Variants in CDH13 observed in about 807,000 individuals in gnomAD.
The protein encoded by CDH13 is cadherin-13.
A neutral mutation model predicts 63.8 loss-of-function variants in CDH13; 24 were observed. The observed-to-expected ratio is 0.38, with a 90% CI of 0.27 to 0.53. The LOEUF (loss-of-function observed/expected upper bound fraction) is 0.53, where lower values mean the gene tolerates loss of function less well. CDH13 is among the 20% of genes least tolerant of loss of function. CDH13 has a pLI of 0.85. For missense variants in CDH13, 1,049 were observed against 903.1 expected, an observed-to-expected ratio of 1.16 and a Z score of -2.07; for synonymous variants, 503 against 355.3, an observed-to-expected ratio of 1.42 and a Z score of -4.67.
At chr16:83,455,435 C>T (rs927680065) in intron 6 of CDH13, among the ~76,000 whole-genome samples, 2 of 152,124 alleles carry the variant, frequency 1.3e-5, no homozygotes, top group Admixed American at 6.5e-5. Context: ...GCTGCCGTGT[C>T]TCTGTTTGGT....
chr16:83,050,961 G>A lies in CDH13; in HGVS notation c.366+18743G>A, dbSNP rs556345321. The stretch of plus-strand genomic sequence containing the variant: ...CTTATCCTTTCTCTCTCTCCCATGT[G>A]GTTTCTACCTGCAAACTCTTCATTA... On this transcript the variant is annotated intron_variant, in intron 3 of 13. Coordinates refer to ENST00000567109, the MANE Select transcript of CDH13 (RefSeq NM_001257.5). Among the ~76,000 whole-genome samples, 18 of 152,196 alleles carry A rather than the reference G, an allele frequency of 1.2e-4. No homozygotes were observed. The South Asian group carries it at 3.7e-3, about 32-fold the overall frequency.
chr16:83,726,744 A>G (rs1196687626), intron 10 of CDH13, among the ~76,000 whole-genome samples: 1 of 152,040 alleles, frequency 6.6e-6, no homozygotes, highest in Admixed American at 6.6e-5. Context: ...AGGCTGAGGC[A>G]GGGGAATGGC....
intron 10 of CDH13, among the ~76,000 whole-genome samples, chr16:83,731,207 A>G (rs1381919079): frequency 6.6e-6 from 1 of 152,228 alleles, no homozygotes; most frequent in African/African-American, 2.4e-5. Context: ...GTCAAATGGT[A>G]GTTCTGTTCT....
chr16:82,959,401 A>T (rs1266438990), intron 2 of CDH13, among the ~76,000 whole-genome samples: 1 of 152,068 alleles, frequency 6.6e-6, no homozygotes, highest in Non-Finnish European at 1.5e-5. Context: ...TTTATGACAA[A>T]ATTTGTGGCT....
At chr16:83,532,158 A>G (rs2075096840) in intron 7 of CDH13, among the ~76,000 whole-genome samples, 1 of 152,110 alleles carries the variant, frequency 6.6e-6, no homozygotes, top group African/African-American at 2.4e-5. Flanking sequence ...CATGATTGTG[A>G]AGCCTCCTCA....
chr16:82,749,009 T>C (rs2034299332), intron 1 of CDH13, among the ~76,000 whole-genome samples: 1 of 152,108 alleles, frequency 6.6e-6, no homozygotes. Context: ...GGAAATTAAT[T>C]TGAATGTTGC....
intron 4 of CDH13, among the ~76,000 whole-genome samples, chr16:83,176,038 C>T (rs188725882): frequency 1.4e-4 from 21 of 149,580 alleles, no homozygotes; most frequent in Non-Finnish European, 2.4e-4. Context: ...TCAGTAGAGA[C>T]GGGGTTTCTC....
intron 7 of CDH13, among the ~76,000 whole-genome samples, chr16:83,515,967 C>G (rs1317325613): frequency 6.6e-6 from 1 of 151,962 alleles, no homozygotes; most frequent in African/African-American, 2.4e-5. Flanking sequence ...TCTTGTTATC[C>G]ATGTTCTTTG....
At chr16:83,581,130 T>C (rs1318286455) in intron 7 of CDH13, among the ~76,000 whole-genome samples, 1 of 152,188 alleles carries the variant, frequency 6.6e-6, no homozygotes, top group Admixed American at 6.5e-5. Flanking sequence ...AAGGAGAAGA[T>C]CTTTTCTCTT....
At chr16:82,645,194 C>G (rs933005744) in intron 1 of CDH13, among the ~76,000 whole-genome samples, 1 of 152,094 alleles carries the variant, frequency 6.6e-6, no homozygotes, top group African/African-American at 2.4e-5. Flanking sequence ...AGCTCCAGGA[C>G]CAACTGGGAG....
chr16:83,272,778 G>A (rs553787569), intron 5 of CDH13, among the ~76,000 whole-genome samples: 2 of 152,278 alleles, frequency 1.3e-5, no homozygotes, highest in South Asian at 4.1e-4. Context: ...GCAGAGCTGT[G>A]GCAGAGTCAA....
chr16:83,348,083 G>A (rs965984812), intron 6 of CDH13, among the ~76,000 whole-genome samples: 6 of 152,116 alleles, frequency 3.9e-5, no homozygotes, highest in African/African-American at 1.4e-4. Flanking sequence ...CCAGCTAGTC[G>A]GGAGGCTGAG....
At chr16:82,796,633 C>G (rs559433471) in intron 1 of CDH13, among the ~76,000 whole-genome samples, 116 of 152,308 alleles carry the variant, frequency 7.6e-4, no homozygotes, top group African/African-American at 2.4e-3. Context: ...ACACTTGATT[C>G]CAAGGGTGAT....
intron 1 of CDH13, among the ~76,000 whole-genome samples, chr16:82,783,780 T>G (rs1263094094): frequency 6.6e-6 from 1 of 152,054 alleles, no homozygotes; most frequent in Non-Finnish European, 1.5e-5. Context: ...TAGGGCAGTA[T>G]GTAAGGACAG....
rs576512785 is a variant in CDH13 at position 83,464,845 on chromosome 16, G to T, written c.782-21632G>T. Among the ~76,000 whole-genome samples, 6 of 152,244 alleles carry T rather than the reference G, an allele frequency of 3.9e-5. No individual in the cohort carries two copies. In the South Asian group the frequency reaches 1.2e-3, roughly 32 times the overall value. Reference sequence around the variant, plus strand: ...TGTATTTTTGATGGGGTTTCACCAAGTTGCCCAGGTGGGTCTTGAACGCCT... The same window carrying T: ...TGTATTTTTGATGGGGTTTCACCAATTTGCCCAGGTGGGTCTTGAACGCCT... On this transcript the variant is annotated intron_variant, in intron 6 of 13. Coordinates refer to ENST00000567109, the MANE Select transcript of CDH13 (RefSeq NM_001257.5).
chr16:82,966,235 G>A (rs946371306), intron 2 of CDH13, among the ~76,000 whole-genome samples: 4 of 152,078 alleles, frequency 2.6e-5, no homozygotes, highest in Admixed American at 6.6e-5. Context: ...GGCAACCTCC[G>A]CCTCCCGGGT....
chr16:83,060,523 A>G (rs554857733), intron 3 of CDH13, among the ~76,000 whole-genome samples: 1 of 152,280 alleles, frequency 6.6e-6, no homozygotes, highest in African/African-American at 2.4e-5. Flanking sequence ...CTCATGTCAT[A>G]TTGCCTAATT....
intron 1 of CDH13, chr16:82,825,888 T>A (rs1480151015): frequency 6.6e-6 from 1 of 151,884 alleles, no homozygotes; most frequent in African/African-American, 2.4e-5. Context: ...AAACTCTGAC[T>A]CTGACACCAG....
intron 2 of CDH13, among the ~76,000 whole-genome samples, chr16:82,908,791 G>A (rs779186429): frequency 1.2e-4 from 19 of 152,122 alleles, no homozygotes; most frequent in East Asian, 7.7e-4. Flanking sequence ...TAATGTTTGC[G>A]TAAAACCTAG....
Sources: allele counts gnomAD v4.1 joint callset (sites outside exome capture counted in the v4.1 genomes callset), GRCh38; gene constraint gnomAD v4.1.1; transcripts MANE v1.5; gene names NCBI Gene and HGNC (gene_info 2026-07-23, HGNC 2026-07-21).